The following RBMS1 variants were observed in gnomAD, a reference collection of about 807,000 sequenced individuals.
RBMS1 encodes RNA-binding motif, single-stranded-interacting protein 1.
In RBMS1, 17 loss-of-function variants were observed where a neutral mutation model predicts 62.3. The observed-to-expected ratio is 0.27, with a 90% CI of 0.19 to 0.41. The LOEUF is 0.41. RBMS1 is among the 10% of genes least tolerant of loss of function. The pLI is 1.00. For missense variants in RBMS1, 334 were observed against 504.5 expected (o/e 0.66, Z 3.24); for synonymous variants, 172 against 170.0 (o/e 1.01, Z -0.09).
chr2:160,286,623 A>G (rs1688415448), intron 7 of RBMS1, among the ~76,000 whole-genome samples: 1 of 152,142 alleles, frequency 6.6e-6, no homozygotes, highest in African/African-American at 2.4e-5. Context: ...CCTAGCCTAC[A>G]GAAACCCTGT....
At chr2:160,493,226 T>A in intron 1 of RBMS1, 63 bp downstream of exon 1, 2 of 1,510,356 alleles carry the variant, frequency 1.3e-6, no homozygotes, top group Non-Finnish European at 1.8e-6. Flanking sequence ...TCCCCAGGCC[T>A]GACCCTGCGC....
intron 2 of RBMS1, among the ~76,000 whole-genome samples, chr2:160,320,168 T>C (rs1690475499): frequency 6.6e-6 from 1 of 152,224 alleles, no homozygotes; most frequent in Non-Finnish European, 1.5e-5. Context: ...CCAAATCTCA[T>C]GTTGGAATAT....
Position 160,275,372 on chromosome 2 carries a change from C to T in RBMS1, c.*7+258G>A, listed in dbSNP as rs1687779218. ...TGGTTCTTGGTGTTCTCTGATGTTA[C>T]AGATTTTTATTTTTTTCTTTTTAGT... is the stretch of plus-strand genomic sequence containing the variant. On this transcript the variant is annotated intron_variant, in intron 13 of 13. Coordinates refer to ENST00000348849, the MANE Select transcript of RBMS1 (RefSeq NM_016836.4). 9 of 402,926 alleles carry T rather than the reference C, an allele frequency of 2.2e-5. No homozygotes were observed. In the South Asian group the frequency reaches 6.2e-4, roughly 28 times the overall value. The allele number at this position is 402,926 out of a possible 1,614,324, so 25.0% of individuals were successfully genotyped here. A position where few individuals can be genotyped will look rare whatever the true frequency, so the allele number is the denominator to read the frequency against.
At chr2:160,358,704 A>C (rs1040137899) in intron 2 of RBMS1, among the ~76,000 whole-genome samples, 6 of 152,300 alleles carry the variant, frequency 3.9e-5, no homozygotes, top group African/African-American at 1.4e-4. Context: ...AAGTAACTGC[A>C]GAAAACTCAT....
intron 1 of RBMS1, among the ~76,000 whole-genome samples, chr2:160,446,142 C>A (rs527500240): frequency 6.6e-6 from 1 of 152,164 alleles, no homozygotes; most frequent in Non-Finnish European, 1.5e-5. Context: ...TTAAATAACA[C>A]CTACCTTCAA....
At chr2:160,403,875 A>G (rs575804831) in intron 1 of RBMS1, among the ~76,000 whole-genome samples, 2 of 152,368 alleles carry the variant, frequency 1.3e-5, no homozygotes, top group Non-Finnish European at 2.9e-5. Flanking sequence ...GAAGAGGAGT[A>G]GCTAATAAAA....
At chr2:160,276,781 T>G (rs528390665) in intron 12 of RBMS1, 2 of 152,370 alleles carry the variant, frequency 1.3e-5, no homozygotes, top group East Asian at 3.9e-4. Flanking sequence ...TCTTTAGTAC[T>G]GGGACTGCAA....
Position 160,312,549 on chromosome 2 carries a change from CA to C in RBMS1, c.402+606del, listed in dbSNP as rs575673776. 1.8e-3 allele frequency among the ~76,000 whole-genome samples: 280 copies of C among 152,090 alleles called. 1 individual carries two copies. The highest frequency in any genetic ancestry group is 8.8e-3 in the Admixed American group (134 of 15,268). ...CATCTAAAATATGCTAAAAGTTCAT[CA>C]GAAATAAATTTTGAATAAAGTCATT... On this transcript the variant is annotated intron_variant, in intron 4 of 13. Transcript: ENST00000348849.
At chr2:160,492,189 T>C (rs919939127) in intron 1 of RBMS1, among the ~76,000 whole-genome samples, 1 of 152,176 alleles carries the variant, frequency 6.6e-6, no homozygotes, top group Non-Finnish European at 1.5e-5. Context: ...TTTTGTGATC[T>C]AGAAGGGCAC....
chr2:160,300,535 A>G, intron 6 of RBMS1, 116 bp downstream of exon 6: 1 of 1,329,678 alleles, frequency 7.5e-7, no homozygotes. Context: ...ATCCAACAAA[A>G]TGCATCTTAA....
At chr2:160,383,795 C>A (rs1319222263) in intron 1 of RBMS1, among the ~76,000 whole-genome samples, 3 of 152,214 alleles carry the variant, frequency 2.0e-5, no homozygotes, top group African/African-American at 7.2e-5. Flanking sequence ...CCAATGAGTT[C>A]TTTAACCATA....
intron 1 of RBMS1, among the ~76,000 whole-genome samples, chr2:160,473,593 G>A (rs1685011173): frequency 6.6e-6 from 1 of 152,142 alleles, no homozygotes; most frequent in Non-Finnish European, 1.5e-5. Context: ...CTGTTCAAAG[G>A]ACATTGTTTA....
chr2:160,493,476 GGCTGCT>G lies in RBMS1; in HGVS notation c.-119_-114del, dbSNP rs1025230291. On this transcript the variant is annotated 5_prime_UTR_variant, in exon 1 of 14. Transcript: ENST00000348849. ...CGGCGGCAGCGGCGGCGGCGGCGGC[GGCTGCT>G]GCTGCTGCCGCTGCTCCACCTCCCA... 1.1e-6 allele frequency: 1 copy of G among 873,242 alleles called. No individual in the cohort carries two copies. Among genetic ancestry groups the G allele is most frequent in the Admixed American group, 2.2e-5 (1 of 45,860 alleles). 54.1% of individuals were successfully genotyped at this position (873,242 alleles called of 1,614,324 possible).
In RBMS1 at chr2:160,277,201, T is replaced by C. The variant is rs1272900602; in HGVS notation, c.1143+102A>G. On this transcript the variant is annotated intron_variant, in intron 12 of 13. Coordinates refer to ENST00000348849, the MANE Select transcript of RBMS1 (RefSeq NM_016836.4). Reference sequence around the variant, plus strand: ...ACATCTGGCTAAACGCAATTCTTTATGCAAATATTTGACGTCTGGTAGATT... The same window carrying C: ...ACATCTGGCTAAACGCAATTCTTTACGCAAATATTTGACGTCTGGTAGATT... 4 of 1,087,932 alleles carry C rather than the reference T, an allele frequency of 3.7e-6. No individual in the cohort carries two copies. The South Asian group carries it at 4.2e-5, about 11-fold the overall frequency. The allele number at this position is 1,087,932 out of a possible 1,614,324, so 67.4% of individuals were successfully genotyped here.
At chr2:160,448,601 T>C (rs952314693) in intron 1 of RBMS1, among the ~76,000 whole-genome samples, 1 of 152,248 alleles carries the variant, frequency 6.6e-6, no homozygotes, top group East Asian at 1.9e-4. Context: ...CAGTGCTCGA[T>C]GTTGCCCAGG....
intron 3 of RBMS1, among the ~76,000 whole-genome samples, chr2:160,316,075 CATTT>C (rs1302240173): frequency 6.6e-6 from 1 of 152,030 alleles, no homozygotes; most frequent in Non-Finnish European, 1.5e-5. Context: ...ATCTTTTATG[CATTT>C]ATTTATTTAT....
At chr2:160,483,287 G>A (rs1227933056) in intron 1 of RBMS1, among the ~76,000 whole-genome samples, 1 of 152,016 alleles carries the variant, frequency 6.6e-6, no homozygotes, top group Admixed American at 6.5e-5. Flanking sequence ...TTCAATTTTA[G>A]TATGGGTTAA....
intron 2 of RBMS1, among the ~76,000 whole-genome samples, chr2:160,335,883 A>G (rs1192603725): frequency 2.0e-5 from 3 of 152,098 alleles, no homozygotes; most frequent in Non-Finnish European, 4.4e-5. Context: ...GACAAAGAGG[A>G]CCATTCATTA....
chr2:160,294,185 A>G (rs2105943992), intron 6 of RBMS1, among the ~76,000 whole-genome samples: 1 of 152,334 alleles, frequency 6.6e-6, no homozygotes, highest in Middle Eastern at 3.4e-3. Context: ...CCACATAAGC[A>G]ATTATTTTTT....
Sources: gnomAD v4.1 joint callset for allele counts (sites outside exome capture counted in the v4.1 genomes callset) on GRCh38, gnomAD v4.1.1 for gene constraint, MANE v1.5 for transcripts, NCBI Gene and HGNC (gene_info 2026-07-23, HGNC 2026-07-21) for gene names.